FBXO4: variants seen among roughly 807,000 people sequenced by gnomAD.
FBXO4 encodes F-box protein 4, also known as F-box only protein 4.
In FBXO4, 36 loss-of-function variants were observed where a neutral mutation model predicts 43.7. The observed-to-expected ratio is 0.82, with a 90% CI of 0.63 to 1.09. FBXO4 has a LOEUF of 1.09. Among genes scored for constraint, FBXO4 ranks in the 50% least tolerant of loss-of-function variants. The pLI, the probability that FBXO4 is intolerant of heterozygous loss-of-function variation, is 0.00. For synonymous variants in FBXO4, 180 were observed against 165.6 expected (o/e 1.09, Z -0.67); for missense variants, 435 against 474.1 (o/e 0.92, Z 0.77).
At chr5:41,951,181 T>C in the FBXO4 span, 1 of 156,336 alleles carries the variant, frequency 6.4e-6, no homozygotes, top group South Asian at 1.9e-4. Flanking sequence ...CTGCACGTTC[T>C]GCACGTGTAC....
the FBXO4 span, among the ~76,000 whole-genome samples, chr5:42,024,378 C>T: frequency 6.6e-5 from 10 of 151,968 alleles, no homozygotes; most frequent in South Asian, 1.0e-3. Context: ...GAACTGAAAA[C>T]AATGCCATAC....
the FBXO4 span, among the ~76,000 whole-genome samples, chr5:42,035,958 T>C: frequency 1.3e-5 from 2 of 152,202 alleles, no homozygotes; most frequent in South Asian, 4.1e-4. Flanking sequence ...TGTGGTAAGG[T>C]GACAGCAGTT....
At chr5:42,016,861 CT>C in the FBXO4 span, among the ~76,000 whole-genome samples, 1 of 152,042 alleles carries the variant, frequency 6.6e-6, no homozygotes, top group South Asian at 2.1e-4. Context: ...AGTGGGCAAA[CT>C]TTGTTTTTTA....
At position 41,941,602 on chromosome 5, in the gene FBXO4, C is replaced by A. The variant is rs1264852835; in HGVS notation, c.*321C>A. ...GCCTCTCATTCCCTGAGTTTCTATT[C>A]TTTTGGGTATAAAGATTGCCTTAGT... On this transcript the variant is annotated 3_prime_UTR_variant, in exon 7 of 7. Coordinates refer to ENST00000281623, the MANE Select transcript of FBXO4 (RefSeq NM_012176.3). 3 of 186,770 alleles carry A rather than the reference C, an allele frequency of 1.6e-5. No individual in the cohort carries two copies. The highest frequency in any genetic ancestry group is 1.3e-4 in the East Asian group (1 of 7,918). 11.6% of individuals were successfully genotyped at this position (186,770 alleles called of 1,614,324 possible).
the FBXO4 span, among the ~76,000 whole-genome samples, chr5:42,033,648 A>G: frequency 6.6e-6 from 1 of 151,510 alleles, no homozygotes; most frequent in Non-Finnish European, 1.5e-5. Flanking sequence ...TTCTGTTCCT[A>G]TGTTAGTTTG....
chr5:41,956,089 C>A, the FBXO4 span, among the ~76,000 whole-genome samples: 1 of 152,264 alleles, frequency 6.6e-6, no homozygotes, highest in Non-Finnish European at 1.5e-5. Context: ...AGTTAAAAAT[C>A]ACTGTCATAC....
chr5:41,942,089 T>C (rs973391660), downstream of FBXO4, among the ~76,000 whole-genome samples: 10 of 152,248 alleles, frequency 6.6e-5, 1 homozygote. Context: ...ATAAGTTCCA[T>C]ATTTAAATGT....
the FBXO4 span, chr5:41,967,422 G>T: frequency 1.8e-6 from 1 of 553,292 alleles, no homozygotes; most frequent in South Asian, 1.6e-5. Context: ...ATCAGATTTG[G>T]AACACCTGCA....
chr5:41,978,463 G>T, the FBXO4 span, among the ~76,000 whole-genome samples: 2 of 151,978 alleles, frequency 1.3e-5, no homozygotes, highest in Admixed American at 1.3e-4. Flanking sequence ...AAACAGAAAA[G>T]AATTTATAAT....
At chr5:41,956,633 T>C in the FBXO4 span, among the ~76,000 whole-genome samples, 4 of 152,044 alleles carry the variant, frequency 2.6e-5, no homozygotes, top group Non-Finnish European at 1.5e-5. Flanking sequence ...TATTTCATTG[T>C]TCTGTTTCTT....
chr5:41,940,468 G>T (rs1177285207), intron 6 of FBXO4, among the ~76,000 whole-genome samples: 1 of 151,488 alleles, frequency 6.6e-6, no homozygotes, highest in Non-Finnish European at 1.5e-5. Context: ...CACCATGTTG[G>T]CCAGGCTGGT....
At chr5:41,994,845 G>T in the FBXO4 span, among the ~76,000 whole-genome samples, 1 of 152,056 alleles carries the variant, frequency 6.6e-6, no homozygotes, top group Non-Finnish European at 1.5e-5. Flanking sequence ...ATGTAATGTC[G>T]TGGGAACAGG....
chr5:42,029,452 A>T, the FBXO4 span, among the ~76,000 whole-genome samples: 1,591 of 151,922 alleles, frequency 0.01, 73 homozygotes, highest in Admixed American at 0.074. Context: ...TTGGTGTTTC[A>T]TAACCTTCTT....
At chr5:41,981,945 T>C in the FBXO4 span, among the ~76,000 whole-genome samples, 1 of 144,220 alleles carries the variant, frequency 6.9e-6, no homozygotes, top group Non-Finnish European at 1.5e-5. Context: ...TTCCCCTTCC[T>C]GTGCCCAAGT....
the FBXO4 span, among the ~76,000 whole-genome samples, chr5:42,025,028 C>T: frequency 6.6e-6 from 1 of 151,978 alleles, no homozygotes. Flanking sequence ...GCAGATATCT[C>T]TTCAATATAT....
At chr5:41,932,731 C>T (rs930882431) in intron 3 of FBXO4, among the ~76,000 whole-genome samples, 1 of 151,976 alleles carries the variant, frequency 6.6e-6, no homozygotes, top group African/African-American at 2.4e-5. Context: ...TGCAGAGGCC[C>T]GGGTGAGTGA....
chr5:42,010,313 G>T, the FBXO4 span, among the ~76,000 whole-genome samples: 1 of 151,850 alleles, frequency 6.6e-6, no homozygotes, highest in Non-Finnish European at 1.5e-5. Flanking sequence ...GCCTGGTCAA[G>T]ATGGTGAAAC....
At chr5:41,943,170 G>T (rs917598261), downstream of FBXO4, among the ~76,000 whole-genome samples, 9 of 152,054 alleles carry the variant, frequency 5.9e-5, no homozygotes, top group African/African-American at 2.2e-4. Context: ...CTTGGAGTCC[G>T]AAAATCCTCT....
At chr5:42,030,848 C>T in the FBXO4 span, among the ~76,000 whole-genome samples, 1 of 152,156 alleles carries the variant, frequency 6.6e-6, no homozygotes, top group South Asian at 2.1e-4. Flanking sequence ...CCAAAAAATA[C>T]ATAAAAAAAT....
Sources: allele counts gnomAD v4.1 joint callset (sites outside exome capture counted in the v4.1 genomes callset), GRCh38; gene constraint gnomAD v4.1.1; transcripts MANE v1.5; gene names NCBI Gene and HGNC (gene_info 2026-07-23, HGNC 2026-07-21).